MECOM: variants seen among roughly 807,000 people sequenced by gnomAD.
The protein encoded by MECOM is histone-lysine N-methyltransferase MECOM.
Under a neutral mutation model 116.3 loss-of-function variants are expected in MECOM, and 13 were observed. That is an observed-to-expected ratio of 0.11 (90% confidence interval 0.07 to 0.18). The LOEUF (loss-of-function observed/expected upper bound fraction) is 0.18, where lower values mean the gene tolerates loss of function less well. Among genes scored for constraint, MECOM ranks in the 10% least tolerant of loss-of-function variants. The probability of loss-of-function intolerance (pLI) is 1.00; values close to 1 mark genes in which losing one functional copy is unlikely to be tolerated. For synonymous variants in MECOM, 528 were observed against 535.2 expected (o/e 0.99, Z 0.19); for missense variants, 1,299 against 1,509.0 (o/e 0.86, Z 2.31).
chr3:169,290,815 G>A (rs527603388), intron 2 of MECOM, among the ~76,000 whole-genome samples: 54 of 152,122 alleles, frequency 3.5e-4, no homozygotes, highest in Admixed American at 1.4e-3. Flanking sequence ...ATTAGTTTTC[G>A]GTCTATGTTA....
At chr3:169,271,520 T>C (rs1395423394) in intron 2 of MECOM, among the ~76,000 whole-genome samples, 1 of 152,162 alleles carries the variant, frequency 6.6e-6, no homozygotes, top group East Asian at 1.9e-4. Flanking sequence ...AAAGTCTGTG[T>C]TTTCCTCATG....
chr3:169,197,319 A>AAAAT (rs201717750), intron 2 of MECOM, among the ~76,000 whole-genome samples: 68 of 135,806 alleles, frequency 5.0e-4, no homozygotes, highest in Middle Eastern at 7.1e-3. Flanking sequence ...CTAAAAATTA[A>AAAAT]AAATAAATAA....
intron 1 of MECOM, among the ~76,000 whole-genome samples, chr3:169,415,674 G>T (rs1253507639): frequency 6.6e-6 from 1 of 151,856 alleles, no homozygotes; most frequent in Non-Finnish European, 1.5e-5. Context: ...CAAAATAAAG[G>T]GGCAGAGGAA....
At chr3:169,575,567 G>A (rs1764395521) in intron 1 of MECOM, among the ~76,000 whole-genome samples, 2 of 152,174 alleles carry the variant, frequency 1.3e-5, no homozygotes, top group Admixed American at 6.5e-5. Context: ...GCCGTCCGGG[G>A]ATGCCGCCTT....
intron 1 of MECOM, among the ~76,000 whole-genome samples, chr3:169,642,340 A>T (rs563164023): frequency 2.6e-5 from 4 of 151,954 alleles, no homozygotes; most frequent in African/African-American, 9.6e-5. Context: ...TAGAAATGGG[A>T]TTTTAAAATA....
intron 2 of MECOM, among the ~76,000 whole-genome samples, chr3:169,203,338 AT>A (rs1257191197): frequency 1.3e-5 from 2 of 152,138 alleles, no homozygotes; most frequent in African/African-American, 4.8e-5. Context: ...AGAACGTGGT[AT>A]TTATGTTTAA....
chr3:169,518,091 T>C (rs1189448521), intron 1 of MECOM, among the ~76,000 whole-genome samples: 2 of 152,050 alleles, frequency 1.3e-5, no homozygotes, highest in South Asian at 2.1e-4. Context: ...TACCCCGTCT[T>C]TACTGAAAAT....
chr3:169,142,468 G>T (rs150106266), intron 3 of MECOM, among the ~76,000 whole-genome samples: 16 of 151,948 alleles, frequency 1.1e-4, no homozygotes, highest in Non-Finnish European at 2.2e-4. Context: ...TGTTGATGGC[G>T]ACAGTAACTC....
At position 169,184,099 on chromosome 3, in the gene MECOM, C is replaced by T. The variant is rs138772871; in HGVS notation, c.376-40267G>A. Among the ~76,000 whole-genome samples the T allele has an allele frequency of 3.3e-3, 496 of 152,128 alleles. 4 individuals are homozygous for T. Among genetic ancestry groups the T allele is most frequent in the African/African-American group, 0.011 (467 of 41,528 alleles). On this transcript the variant is annotated intron_variant, in intron 2 of 16. Coordinates refer to ENST00000651503, the MANE Select transcript of MECOM (RefSeq NM_004991.4). ...CAGGATGGTCTCAATCTCCTGATCT[C>T]GTGAACCACCTGCCTCGGCCTCCCA...
chr3:169,408,994 T>A (rs576672103), intron 1 of MECOM, among the ~76,000 whole-genome samples: 2 of 151,990 alleles, frequency 1.3e-5, no homozygotes, highest in African/African-American at 4.8e-5. Flanking sequence ...ATATATTAAA[T>A]AATAAACTCA....
rs537452650 is a variant in MECOM at position 169,085,013 on chromosome 3, T to C, written c.3616A>G (p.Lys1206Glu). 15 of 1,614,114 alleles carry C rather than the reference T, an allele frequency of 9.3e-6. No homozygotes were observed. The South Asian group carries it at 1.3e-4, about 14-fold the overall frequency. The change falls in exon 17 of 17, where the codon AAG becomes GAG. Residue 1206 changes from lysine (K) to glutamate (E), a missense_variant. Transcript: ENST00000651503. ...AYAMMLSLSD[K>E]ESLHSTSHSS... is the part of the protein sequence containing the mutation. The stretch of plus-strand genomic sequence containing the variant: ...TGGGATGTAGAATGGAGGGACTCCT[T>C]GTCAGACAGTGACAGCATCATAGCA...
At chr3:169,427,289 C>T (rs890578799) in intron 1 of MECOM, among the ~76,000 whole-genome samples, 1 of 152,038 alleles carries the variant, frequency 6.6e-6, no homozygotes, top group East Asian at 1.9e-4. Context: ...TTATTTTTAG[C>T]TCTTAATGTA....
intron 11 of MECOM, 32 bp from the exon 12 acceptor site, chr3:169,100,994 C>A: frequency 6.5e-7 from 1 of 1,535,636 alleles, no homozygotes; most frequent in Non-Finnish European, 9.0e-7. Context: ...AAGAGAAAGT[C>A]AGCACAGTTG....
At position 169,419,010 on chromosome 3, in the gene MECOM, CA is replaced by C. The variant is rs566772950; in HGVS notation, c.38-37487del. Among the ~76,000 whole-genome samples, 5 of 152,252 alleles carry C rather than the reference CA, an allele frequency of 3.3e-5. No individual in the cohort carries two copies. The South Asian group carries it at 1.0e-3, about 32-fold the overall frequency. On this transcript the variant is annotated intron_variant, in intron 1 of 16. Transcript: ENST00000651503. ...TTTAGGAAAACACATTGTCTCTGTC[CA>C]AAATCTCCTTAAGCTGATAAGCAAA...
chr3:169,642,737 T>TAA (rs72138096), intron 1 of MECOM, among the ~76,000 whole-genome samples: 29 of 136,336 alleles, frequency 2.1e-4, no homozygotes, highest in African/African-American at 7.0e-4. Flanking sequence ...AAAGGTTAAT[T>TAA]AAAAAAAAAA....
intron 2 of MECOM, among the ~76,000 whole-genome samples, chr3:169,225,429 T>C (rs1369254925): frequency 6.6e-6 from 1 of 152,158 alleles, no homozygotes; most frequent in African/African-American, 2.4e-5. Flanking sequence ...TTTGTGACTT[T>C]TGAAGCACAT....
At chr3:169,483,791 T>C (rs1751732157) in intron 1 of MECOM, 2 of 1,611,322 alleles carry the variant, frequency 1.2e-6, no homozygotes, top group Non-Finnish European at 1.7e-6. Context: ...TCTTCAAATA[T>C]TTTTTGGTGA....
intron 1 of MECOM, among the ~76,000 whole-genome samples, chr3:169,550,820 C>CTTTTT (rs35343157): frequency 1.1e-4 from 10 of 91,686 alleles, no homozygotes; most frequent in African/African-American, 2.4e-4. Flanking sequence ...GTTCCCTTTC[C>CTTTTT]TTTTTTTTTT....
chr3:169,465,932 C>A (rs1251565842), intron 1 of MECOM, among the ~76,000 whole-genome samples: 1 of 152,190 alleles, frequency 6.6e-6, no homozygotes, highest in African/African-American at 2.4e-5. Flanking sequence ...CCTTTTCTAA[C>A]AAGAGTTCTT....
Sources: allele counts gnomAD v4.1 joint callset (sites outside exome capture counted in the v4.1 genomes callset), GRCh38; gene constraint gnomAD v4.1.1; transcripts MANE v1.5; gene names NCBI Gene and HGNC (gene_info 2026-07-23, HGNC 2026-07-21).